Variants in MROH2A observed in about 807,000 individuals in gnomAD.
The protein encoded by MROH2A is maestro heat like repeat family member 2A.
In MROH2A, 174 loss-of-function variants were observed where a neutral mutation model predicts 200.4. The observed-to-expected ratio is 0.87, with a 90% CI of 0.77 to 0.98. MROH2A has a LOEUF of 0.98. Ranked by LOEUF, MROH2A falls within the 50% of genes least tolerant of loss-of-function variation. MROH2A has a pLI of 0.00. For missense variants in MROH2A, 2,045 were observed against 2,139.6 expected, an observed-to-expected ratio of 0.96 and a Z score of 0.87; for synonymous variants, 829 against 840.4, an observed-to-expected ratio of 0.99 and a Z score of 0.23.
intron 11 of MROH2A, among the ~76,000 whole-genome samples, chr2:233,796,743 ACT>A (rs1243804017): frequency 6.6e-6 from 1 of 151,902 alleles, no homozygotes; most frequent in Non-Finnish European, 1.5e-5. Context: ...ACTAGCTCAC[ACT>A]CTGCCTTTGT....
In MROH2A at chr2:233,819,301, C is replaced by T; in HGVS notation, c.3205-16C>T. The stretch of plus-strand genomic sequence containing the variant: ...GTGGCAGGGGAGGGCAGGGGAGTCA[C>T]CCGCTCTGCTCCTAGGTGGTCTGCA... On this transcript the variant is annotated splice_polypyrimidine_tract_variant and intron_variant, in intron 29 of 41. Transcript: ENST00000389758. The T allele has an allele frequency of 6.5e-7, 1 of 1,546,694 alleles. No homozygotes were observed. Among genetic ancestry groups the T allele is most frequent in the Non-Finnish European group, 8.7e-7 (1 of 1,144,614 alleles).
intron 3 of MROH2A, among the ~76,000 whole-genome samples, chr2:233,783,796 G>A (rs997245265): frequency 1.3e-5 from 2 of 152,024 alleles, no homozygotes; most frequent in African/African-American, 2.4e-5. Context: ...CACTTCGGCC[G>A]CCCAAAGTGC....
rs1165131088 is a variant in MROH2A, at chr2:233,819,558, C to G, written c.3357+89C>G. 3 of 1,348,420 alleles carry G rather than the reference C, an allele frequency of 2.2e-6. No individual in the cohort carries two copies. The African/African-American group carries it at 4.4e-5, about 20-fold the overall frequency. 83.5% of individuals were successfully genotyped at this position (1,348,420 alleles called of 1,614,324 possible). A position where few individuals can be genotyped will look rare whatever the true frequency, so the allele number is the denominator to read the frequency against. On this transcript the variant is annotated intron_variant, in intron 30 of 41. Coordinates refer to ENST00000389758, the MANE Select transcript of MROH2A (RefSeq NM_001394639.1). ...GAGGGAAGGACGAGGGCCTCACCAG[C>G]ACTCGCTGAGAATGCCTCCCCCAAC... is the stretch of plus-strand genomic sequence containing the variant.
intron 14 of MROH2A, among the ~76,000 whole-genome samples, chr2:233,801,334 GA>G (rs1702459937): frequency 6.6e-6 from 1 of 152,056 alleles, no homozygotes; most frequent in Non-Finnish European, 1.5e-5. Context: ...GTGGGGTGGA[GA>G]GGGATTATAA....
chr2:233,814,199 T>C (rs1315932311), intron 25 of MROH2A, among the ~76,000 whole-genome samples: 1 of 152,142 alleles, frequency 6.6e-6, no homozygotes, highest in Non-Finnish European at 1.5e-5. Flanking sequence ...CCTCCTTCTA[T>C]TGGCTGAAAC....
intron 9 of MROH2A, 81 bp from the exon 10 acceptor site, chr2:233,795,886 G>A: frequency 6.5e-7 from 1 of 1,530,392 alleles, no homozygotes; most frequent in Non-Finnish European, 8.8e-7. Flanking sequence ...TGCCCATGCA[G>A]CCCCAGGTAT....
chr2:233,829,920 C>T, intron 38 of MROH2A, 145 bp downstream of exon 38: 3 of 750,794 alleles, frequency 4.0e-6, no homozygotes, highest in South Asian at 9.5e-5. Context: ...CCACAGCCTG[C>T]TCCCTGCTGT....
chr2:233,804,034 G>A lies in MROH2A; in HGVS notation c.1750-17G>A, dbSNP rs1702639001. ...GGTGCTCAGGTGCTACTTCACTGGA[G>A]CCTTGGTGCCCTCCAGGTGCTGATG... On this transcript the variant is annotated splice_polypyrimidine_tract_variant and intron_variant, in intron 16 of 41. Transcript: ENST00000389758. 6.5e-7 allele frequency: 1 copy of A among 1,549,456 alleles called. No individual in the cohort carries two copies. The highest frequency in any genetic ancestry group is 8.7e-7 in the Non-Finnish European group (1 of 1,146,132).
At chr2:233,799,149 G>A (rs1051410494) in intron 12 of MROH2A, among the ~76,000 whole-genome samples, 1 of 152,142 alleles carries the variant, frequency 6.6e-6, no homozygotes, top group Non-Finnish European at 1.5e-5. Flanking sequence ...GGTTTTGTGA[G>A]GTCTTTATCG....
At chr2:233,823,358 A>G (rs79238043) in intron 34 of MROH2A, among the ~76,000 whole-genome samples, 198 bp from the exon 35 acceptor site, 4,641 of 152,246 alleles carry the variant, frequency 0.03, 242 homozygotes, top group African/African-American at 0.1. Flanking sequence ...TAAAAAGGAG[A>G]TAGACATTGA....
intron 30 of MROH2A, 35 bp from the exon 31 acceptor site, chr2:233,819,867 G>A: frequency 6.8e-7 from 1 of 1,477,032 alleles, no homozygotes; most frequent in African/African-American, 1.4e-5. Flanking sequence ...ATAGGGGCCT[G>A]GGCTGCCCCC....
chr2:233,816,901 C>A lies in MROH2A; in HGVS notation c.2961+16C>A. 2.8e-6 allele frequency: 4 copies of A among 1,414,048 alleles called. No homozygotes were observed. The highest frequency in any genetic ancestry group is 2.5e-5 in the East Asian group (1 of 40,050). 87.6% of individuals were successfully genotyped at this position (1,414,048 alleles called of 1,614,324 possible). A position where few individuals can be genotyped will look rare whatever the true frequency, so the allele number is the denominator to read the frequency against. Reference sequence around the variant, plus strand: ...TGCTGTCTGTGTGAGTCCAGGAGTCCCCAGCCCCCAGCCTGCTGCTCTGAC... The same window carrying A: ...TGCTGTCTGTGTGAGTCCAGGAGTCACCAGCCCCCAGCCTGCTGCTCTGAC... On this transcript the variant is annotated intron_variant, in intron 27 of 41. Transcript: ENST00000389758.
intron 24 of MROH2A, among the ~76,000 whole-genome samples, chr2:233,813,189 T>G (rs28900676): frequency 0.03 from 4,570 of 152,330 alleles, 230 homozygotes; most frequent in African/African-American, 0.1. Flanking sequence ...CACAGATGGC[T>G]GCAGTCCACC....
At chr2:233,793,589 C>G (rs907048987) in intron 6 of MROH2A, 84 bp from the exon 7 acceptor site, 1 of 1,278,946 alleles carries the variant, frequency 7.8e-7, no homozygotes, top group Non-Finnish European at 1.0e-6. Flanking sequence ...ATGAGCACTT[C>G]CACTCGGGAA....
rs559661323 is a variant in MROH2A, at chr2:233,829,832, A to G, written c.4602+57A>G. ...CTGGGGCCCGCTGTTCCCCGAGGAA[A>G]CAGGTCCTTGGGTCTGCTGGCTCGG... is the stretch of plus-strand genomic sequence containing the variant. On this transcript the variant is annotated intron_variant, in intron 38 of 41. Transcript: ENST00000389758. The G allele has an allele frequency of 5.5e-5, 70 of 1,275,132 alleles. No individual in the cohort carries two copies. In the African/African-American group the frequency reaches 1.0e-3, roughly 18 times the overall value. The allele number at this position is 1,275,132 out of a possible 1,614,324, so 79.0% of individuals were successfully genotyped here. A position where few individuals can be genotyped will look rare whatever the true frequency, so the allele number is the denominator to read the frequency against.
At chr2:233,831,299 G>A in intron 38 of MROH2A, 110 bp from the exon 39 acceptor site, 1 of 1,359,850 alleles carries the variant, frequency 7.4e-7, no homozygotes, top group Non-Finnish European at 9.7e-7. Flanking sequence ...GCCTTTCTTT[G>A]GCTTGGTGAG....
At chr2:233,811,768 T>G in intron 23 of MROH2A, 112 bp from the exon 24 acceptor site, 3 of 716,406 alleles carry the variant, frequency 4.2e-6, no homozygotes, top group Non-Finnish European at 5.0e-6. Context: ...ATGAAAGAGA[T>G]GTGGGGTGTT....
chr2:233,831,327 C>T lies in MROH2A; in HGVS notation c.4603-82C>T, dbSNP rs530378880. 42 of 1,440,284 alleles carry T rather than the reference C, an allele frequency of 2.9e-5. No homozygotes were observed. The African/African-American group carries it at 3.9e-4, about 13-fold the overall frequency. The allele number at this position is 1,440,284 out of a possible 1,614,324, so 89.2% of individuals were successfully genotyped here. Reference sequence around the variant, plus strand: ...TTGGTGAGGCTTTTCTGGGGCTGCCCTCTGGCTTCCTGCCAGCCTCACCCC... The same window carrying T: ...TTGGTGAGGCTTTTCTGGGGCTGCCTTCTGGCTTCCTGCCAGCCTCACCCC... On this transcript the variant is annotated intron_variant, in intron 38 of 41. Transcript: ENST00000389758.
chr2:233,794,646 C>A (rs562248358), intron 8 of MROH2A, 140 bp downstream of exon 8: 5 of 601,668 alleles, frequency 8.3e-6, no homozygotes, highest in Non-Finnish European at 1.5e-5. Flanking sequence ...CTGTGCCCTG[C>A]GAGGGAGGGG....
Sources: allele counts gnomAD v4.1 joint callset (sites outside exome capture counted in the v4.1 genomes callset), GRCh38; gene constraint gnomAD v4.1.1; transcripts MANE v1.5; gene names NCBI Gene and HGNC (gene_info 2026-07-23, HGNC 2026-07-21).